Variants in PCDH15 observed in about 807,000 individuals in gnomAD.
PCDH15 encodes the protein protocadherin-15.
PCDH15 carries 129 observed loss-of-function variants against 178.5 expected under a neutral mutation model. The observed-to-expected ratio is 0.72, with a 90% CI of 0.63 to 0.84. The LOEUF is 0.84. Among genes scored for constraint, PCDH15 ranks in the 40% least tolerant of loss-of-function variants. The probability of loss-of-function intolerance (pLI) is 0.00; values close to 1 mark genes in which losing one functional copy is unlikely to be tolerated. For missense variants in PCDH15, 2,230 were observed against 2,099.9 expected, an observed-to-expected ratio of 1.06 and a Z score of -1.21; for synonymous variants, 800 against 732.0, an observed-to-expected ratio of 1.09 and a Z score of -1.50.
At chr10:55,605,626 A>G (rs1003746936) in intron 2 of PCDH15, among the ~76,000 whole-genome samples, 4 of 147,562 alleles carry the variant, frequency 2.7e-5, no homozygotes, top group South Asian at 4.3e-4. Flanking sequence ...CAGCATATAA[A>G]CAGAACCAAA....
intron 3 of PCDH15, among the ~76,000 whole-genome samples, chr10:54,460,200 T>G (rs566922226): frequency 6.6e-6 from 1 of 152,246 alleles, no homozygotes; most frequent in African/African-American, 2.4e-5. Context: ...TGTGATTTCT[T>G]AACTAGATTC....
intron 8 of PCDH15, among the ~76,000 whole-genome samples, chr10:54,266,420 T>C (rs1029915363): frequency 2.0e-5 from 3 of 151,580 alleles, no homozygotes; most frequent in African/African-American, 7.3e-5. Flanking sequence ...AAAAAAACTA[T>C]ATCCAAATAT....
At chr10:54,403,455 G>A (rs1952197077) in intron 3 of PCDH15, among the ~76,000 whole-genome samples, 1 of 152,000 alleles carries the variant, frequency 6.6e-6, no homozygotes, top group African/African-American at 2.4e-5. Context: ...GAACTAATAA[G>A]AGCCATATAT....
At chr10:54,135,511 A>T (rs963187670) in intron 14 of PCDH15, among the ~76,000 whole-genome samples, 1 of 152,212 alleles carries the variant, frequency 6.6e-6, no homozygotes, top group East Asian at 1.9e-4. Context: ...AGAACAAAAG[A>T]ATCGTCATTC....
At chr10:54,194,687 T>TCTAC (rs1452542108) in intron 11 of PCDH15, among the ~76,000 whole-genome samples, 1 of 150,966 alleles carries the variant, frequency 6.6e-6, no homozygotes. Context: ...TATCTATCTA[T>TCTAC]CTATATCTGT....
At chr10:54,926,722 T>C (rs920382389) in intron 2 of PCDH15, among the ~76,000 whole-genome samples, 3 of 152,082 alleles carry the variant, frequency 2.0e-5, no homozygotes, top group Non-Finnish European at 4.4e-5. Flanking sequence ...CCTTCTAGAT[T>C]TTCTAGTTTA....
chr10:55,334,464 T>G (rs1844322833), intron 2 of PCDH15, among the ~76,000 whole-genome samples: 1 of 151,124 alleles, frequency 6.6e-6, no homozygotes, highest in Admixed American at 6.6e-5. Context: ...TGTGCCACCA[T>G]GCCTGGCTAA....
At chr10:55,149,689 T>C (rs1353771275) in intron 2 of PCDH15, among the ~76,000 whole-genome samples, 3 of 105,192 alleles carry the variant, frequency 2.9e-5, no homozygotes. Context: ...CAGGGAGAGA[T>C]ATCTTTTTCT....
chr10:55,487,160 T>C (rs1357692265), intron 2 of PCDH15, among the ~76,000 whole-genome samples: 1 of 151,696 alleles, frequency 6.6e-6, no homozygotes, highest in Non-Finnish European at 1.5e-5. Flanking sequence ...ATGATTACAT[T>C]GTTTGACCAA....
chr10:54,113,283 A>G (rs2095057629), intron 15 of PCDH15, among the ~76,000 whole-genome samples: 1 of 152,190 alleles, frequency 6.6e-6, no homozygotes. Context: ...AGAGGCAGAT[A>G]CTATATTACC....
intron 26 of PCDH15, among the ~76,000 whole-genome samples, chr10:53,896,683 C>A (rs1369099633): frequency 2.0e-5 from 3 of 152,158 alleles, no homozygotes; most frequent in Non-Finnish European, 4.4e-5. Flanking sequence ...TTAATAGCTA[C>A]TCTTCATGGC....
intron 9 of PCDH15, among the ~76,000 whole-genome samples, chr10:54,223,583 G>GT (rs2053128038): frequency 1.4e-5 from 2 of 145,996 alleles, no homozygotes; most frequent in African/African-American, 2.5e-5. Context: ...TACCTTAACA[G>GT]TTTTTTCTCA....
At chr10:55,244,415 C>T (rs187265635) in intron 1 of PCDH15, among the ~76,000 whole-genome samples, 12 of 152,124 alleles carry the variant, frequency 7.9e-5, no homozygotes, top group African/African-American at 1.9e-4. Context: ...CAATGTTCCC[C>T]AGAATATCTT....
intron 8 of PCDH15, among the ~76,000 whole-genome samples, chr10:54,307,638 G>A (rs1160042106): frequency 6.6e-6 from 1 of 151,884 alleles, no homozygotes; most frequent in Non-Finnish European, 1.5e-5. Flanking sequence ...ATAATATACT[G>A]CATAATTAAT....
intron 21 of PCDH15, among the ~76,000 whole-genome samples, chr10:53,992,075 C>T (rs577689919): frequency 1.4e-4 from 21 of 151,980 alleles, no homozygotes; most frequent in Admixed American, 2.0e-4. Flanking sequence ...CTGCGAAGGT[C>T]TGCAGCTTCA....
rs376848626 is a variant in PCDH15 at position 54,781,818 on chromosome 10, G to T, written c.-29+19107C>A. Among the ~76,000 whole-genome samples the T allele has an allele frequency of 5.9e-5, 9 of 152,064 alleles. No homozygotes were observed. In the East Asian group the frequency reaches 1.2e-3, roughly 20 times the overall value. ...CTGGAAATAAAATGGTGCTTTGAAA[G>T]AATATTACCAATAGGAAGACATATT... On this transcript the variant is annotated intron_variant, in intron 1 of 37. Transcript: ENST00000644397.
chr10:55,453,445 C>A (rs1336959878), intron 2 of PCDH15, among the ~76,000 whole-genome samples: 3 of 152,070 alleles, frequency 2.0e-5, no homozygotes, highest in Non-Finnish European at 4.4e-5. Context: ...AAAAGCCAAC[C>A]TCTTTATGGT....
intron 3 of PCDH15, among the ~76,000 whole-genome samples, chr10:54,509,532 A>T (rs1193286608): frequency 6.6e-6 from 1 of 152,098 alleles, no homozygotes; most frequent in East Asian, 1.9e-4. Context: ...TCTTATTATT[A>T]CATATCTTTC....
At chr10:55,061,522 C>T (rs556740621) in intron 2 of PCDH15, among the ~76,000 whole-genome samples, 29 of 152,246 alleles carry the variant, frequency 1.9e-4, no homozygotes, top group Non-Finnish European at 3.4e-4. Context: ...ACAGCCTTCA[C>T]CGTATGATCT....
Sources: allele counts gnomAD v4.1 joint callset (sites outside exome capture counted in the v4.1 genomes callset), GRCh38; gene constraint gnomAD v4.1.1; transcripts MANE v1.5; gene names NCBI Gene and HGNC (gene_info 2026-07-23, HGNC 2026-07-21).